The following EBF1 variants were observed in gnomAD, a reference collection of about 807,000 sequenced individuals.
EBF1 encodes the protein transcription factor COE1.
A neutral mutation model predicts 68.4 loss-of-function variants in EBF1; 10 were observed. The ratio of observed to expected loss-of-function variants is 0.15; its 90% CI spans 0.09 to 0.25. The LOEUF (loss-of-function observed/expected upper bound fraction) is 0.25. Ranked by LOEUF, EBF1 falls within the 10% of genes least tolerant of loss-of-function variation. The pLI is 1.00. For synonymous variants in EBF1, 298 were observed against 299.8 expected, an observed-to-expected ratio of 0.99 and a Z score of 0.06; for missense variants, 509 against 794.4, an observed-to-expected ratio of 0.64 and a Z score of 4.32.
intron 6 of EBF1, among the ~76,000 whole-genome samples, chr5:158,944,627 C>A (rs934635448): frequency 5.9e-5 from 9 of 152,180 alleles, no homozygotes; most frequent in African/African-American, 2.2e-4. Flanking sequence ...GGTTCTAGAT[C>A]CTTGAGGAAT....
At chr5:158,966,707 G>T (rs1257142484) in intron 6 of EBF1, among the ~76,000 whole-genome samples, 1 of 152,096 alleles carries the variant, frequency 6.6e-6, no homozygotes, top group Non-Finnish European at 1.5e-5. Flanking sequence ...TTCTTACACT[G>T]CTATCCAGCT....
chr5:158,733,221 G>A (rs1764481378), intron 10 of EBF1, among the ~76,000 whole-genome samples: 1 of 152,000 alleles, frequency 6.6e-6, no homozygotes, highest in Non-Finnish European at 1.5e-5. Flanking sequence ...CAACAAAAAT[G>A]TTTAACCATA....
In EBF1 at chr5:158,737,324, C is replaced by T. The variant is rs544787646; in HGVS notation, c.1037-6167G>A. ...TTTGAGACGGAGTCTCGCTCCGTCGCCCAGGGTGGAGTGCAGTGGCGCGAT... is the reference window on the plus strand; with the variant it reads ...TTTGAGACGGAGTCTCGCTCCGTCGTCCAGGGTGGAGTGCAGTGGCGCGAT... On this transcript the variant is annotated intron_variant, in intron 10 of 15. Coordinates refer to ENST00000313708, the MANE Select transcript of EBF1 (RefSeq NM_024007.5). Among the ~76,000 whole-genome samples the T allele has an allele frequency of 3.6e-4, 45 of 125,280 alleles. No individual in the cohort carries two copies. In the East Asian group the frequency reaches 8.5e-3, roughly 24 times the overall value. 82.2% of individuals were successfully genotyped at this position (125,280 alleles called of 152,430 possible). A position where few individuals can be genotyped will look rare whatever the true frequency, so the allele number is the denominator to read the frequency against.
At position 158,803,410 on chromosome 5, in the gene EBF1, A is replaced by C. The variant is rs1780989719; in HGVS notation, c.779-6935T>G. Among the ~76,000 whole-genome samples, 8 of 144,928 alleles carry C rather than the reference A, an allele frequency of 5.5e-5. No individual in the cohort carries two copies. The Admixed American group carries it at 5.7e-4, about 10-fold the overall frequency. ...ACCTTCCTGCTCACAGCTCCTTAGC[A>C]CTACAACCTGCCTTCTTTGATCCTG... On this transcript the variant is annotated intron_variant, in intron 8 of 15. Transcript: ENST00000313708.
intron 10 of EBF1, among the ~76,000 whole-genome samples, chr5:158,775,744 A>AC (rs1774996694): frequency 8.5e-6 from 1 of 117,234 alleles, no homozygotes; most frequent in Non-Finnish European, 1.7e-5. Flanking sequence ...GAGACTTGTA[A>AC]AACACACACA....
chr5:158,988,245 C>T (rs773656990), intron 6 of EBF1, among the ~76,000 whole-genome samples: 19 of 152,148 alleles, frequency 1.2e-4, no homozygotes, highest in East Asian at 3.9e-4. Flanking sequence ...CCCTTCTCTT[C>T]GTAATTGTAC....
chr5:158,784,168 G>A (rs1235126122), intron 9 of EBF1, among the ~76,000 whole-genome samples: 1 of 152,140 alleles, frequency 6.6e-6, no homozygotes, highest in Non-Finnish European at 1.5e-5. Context: ...ACATCCTGTA[G>A]TATTATGGGG....
intron 6 of EBF1, among the ~76,000 whole-genome samples, chr5:158,962,397 T>A (rs1753181756): frequency 2.6e-5 from 4 of 152,028 alleles, no homozygotes; most frequent in Admixed American, 2.6e-4. Context: ...ATATACCCCA[T>A]CTACAAGGCA....
At chr5:158,842,974 G>C (rs1198151411) in intron 6 of EBF1, among the ~76,000 whole-genome samples, 1 of 152,186 alleles carries the variant, frequency 6.6e-6, no homozygotes, top group Admixed American at 6.5e-5. Flanking sequence ...GTGCAGTAAT[G>C]ATGTTAATAC....
chr5:158,931,278 A>T (rs1331062742), intron 6 of EBF1, among the ~76,000 whole-genome samples: 1 of 152,256 alleles, frequency 6.6e-6, no homozygotes, highest in Non-Finnish European at 1.5e-5. Context: ...TAAGCTCAAC[A>T]TACTCCACAC....
chr5:158,824,297 A>C (rs190672875), intron 7 of EBF1, among the ~76,000 whole-genome samples: 6 of 152,298 alleles, frequency 3.9e-5, no homozygotes, highest in Non-Finnish European at 8.8e-5. Flanking sequence ...TCGACAGTTT[A>C]TTTCTTCCTC....
At chr5:158,841,831 C>T (rs1291999382) in intron 6 of EBF1, among the ~76,000 whole-genome samples, 1 of 152,166 alleles carries the variant, frequency 6.6e-6, no homozygotes, top group Non-Finnish European at 1.5e-5. Context: ...CAAACAATGG[C>T]CTTTTCAACC....
intron 6 of EBF1, among the ~76,000 whole-genome samples, chr5:158,973,020 C>T (rs1236041299): frequency 2.0e-5 from 3 of 152,206 alleles, no homozygotes; most frequent in Non-Finnish European, 4.4e-5. Context: ...TTCAGCCCCT[C>T]CCCAAATATT....
rs184789302 is a variant in EBF1 at position 158,946,511 on chromosome 5, G to A, written c.555-106401C>T. ...CCCTGTTTGCCTAGGTATCACCAGCGGAGGCTGCAGAACAGCCAAGACTGC... is the reference window on the plus strand; with the variant it reads ...CCCTGTTTGCCTAGGTATCACCAGCAGAGGCTGCAGAACAGCCAAGACTGC... On this transcript the variant is annotated intron_variant, in intron 6 of 15. Coordinates refer to ENST00000313708, the MANE Select transcript of EBF1 (RefSeq NM_024007.5). Among the ~76,000 whole-genome samples the A allele has an allele frequency of 1.7e-3, 266 of 152,292 alleles. 1 individual carries two copies. The highest frequency in any genetic ancestry group is 5.9e-3 in the African/African-American group (246 of 41,566).
chr5:158,735,697 TAATGA>T (rs1442553971), intron 10 of EBF1, among the ~76,000 whole-genome samples: 9 of 152,178 alleles, frequency 5.9e-5, no homozygotes, highest in African/African-American at 9.7e-5. Context: ...AAAAAAAAGT[TAATGA>T]AATGGTTAAA....
At chr5:158,934,199 A>G (rs1811485832) in intron 6 of EBF1, among the ~76,000 whole-genome samples, 1 of 152,186 alleles carries the variant, frequency 6.6e-6, no homozygotes, top group Admixed American at 6.5e-5. Flanking sequence ...GACTTATGGG[A>G]GCCGAATCTC....
At chr5:158,834,155 C>T (rs17715065) in intron 7 of EBF1, among the ~76,000 whole-genome samples, 61,339 of 151,974 alleles carry the variant, frequency 0.4, 14,101 homozygotes, top group South Asian at 0.61. Context: ...TCCCTTACCA[C>T]CCTCATTCTG....
At chr5:159,021,717 C>T (rs565836442) in intron 6 of EBF1, among the ~76,000 whole-genome samples, 4 of 152,186 alleles carry the variant, frequency 2.6e-5, no homozygotes, top group Admixed American at 6.5e-5. Context: ...CACGGCAGCA[C>T]GTCTAAACGA....
chr5:159,080,003 C>A (rs1269773854), intron 5 of EBF1, among the ~76,000 whole-genome samples: 1 of 152,090 alleles, frequency 6.6e-6, no homozygotes, highest in Admixed American at 6.6e-5. Flanking sequence ...CGTGATTATT[C>A]CCCCCAAGAA....
Sources: gnomAD v4.1 joint callset for allele counts (sites outside exome capture counted in the v4.1 genomes callset) on GRCh38, gnomAD v4.1.1 for gene constraint, MANE v1.5 for transcripts, NCBI Gene and HGNC (gene_info 2026-07-23, HGNC 2026-07-21) for gene names.